The following SKAP1 variants were observed in gnomAD, a reference collection of about 807,000 sequenced individuals.
SKAP1 encodes src kinase associated phosphoprotein 1.
A neutral mutation model predicts 58.5 loss-of-function variants in SKAP1; 44 were observed. The ratio of observed to expected loss-of-function variants is 0.75; its 90% confidence interval spans 0.59 to 0.97. The LOEUF (loss-of-function observed/expected upper bound fraction) is 0.97. Ranked by LOEUF, SKAP1 falls within the 50% of genes least tolerant of loss-of-function variation. SKAP1 has a pLI of 0.00. For missense variants in SKAP1, 390 were observed against 435.2 expected (o/e 0.90, Z 0.92); for synonymous variants, 127 against 149.7 (o/e 0.85, Z 1.11).
At chr17:48,235,389 G>C (rs2065169019) in intron 4 of SKAP1, among the ~76,000 whole-genome samples, 1 of 151,974 alleles carries the variant, frequency 6.6e-6, no homozygotes, top group Non-Finnish European at 1.5e-5. Flanking sequence ...GTCCTAACTT[G>C]CTAGACAACT....
chr17:48,351,825 A>G lies in SKAP1; in HGVS notation c.179-5819T>C, dbSNP rs373110490. 7.2e-5 allele frequency among the ~76,000 whole-genome samples: 11 copies of G among 152,310 alleles called. No homozygotes were observed. The East Asian group carries it at 9.6e-4, about 13-fold the overall frequency. ...ATTAGACACTCTTAGTATAATCACTATAACAACACCTGTGAATCCAACAAC... is the reference window on the plus strand; with the variant it reads ...ATTAGACACTCTTAGTATAATCACTGTAACAACACCTGTGAATCCAACAAC... On this transcript the variant is annotated intron_variant, in intron 3 of 12. Coordinates refer to ENST00000336915, the MANE Select transcript of SKAP1 (RefSeq NM_003726.4).
chr17:48,148,592 C>T (rs2063861110), intron 11 of SKAP1, among the ~76,000 whole-genome samples: 1 of 152,190 alleles, frequency 6.6e-6, no homozygotes. Context: ...CTGCTCGGCC[C>T]ATCTGTGCTG....
chr17:48,214,369 C>T (rs1052807041), intron 4 of SKAP1, among the ~76,000 whole-genome samples: 1 of 152,190 alleles, frequency 6.6e-6, no homozygotes, highest in African/African-American at 2.4e-5. Context: ...GATGTATTGC[C>T]TTCTTCTTCA....
At chr17:48,301,534 C>T (rs1039860497) in intron 4 of SKAP1, among the ~76,000 whole-genome samples, 1 of 152,054 alleles carries the variant, frequency 6.6e-6, no homozygotes, top group African/African-American at 2.4e-5. Context: ...GATCTCGGCT[C>T]ACTGCAACCT....
At chr17:48,429,841 G>A (rs962807619) in intron 1 of SKAP1, among the ~76,000 whole-genome samples, 1 of 152,210 alleles carries the variant, frequency 6.6e-6, no homozygotes, top group Non-Finnish European at 1.5e-5. Flanking sequence ...GGGAGGTGAA[G>A]TGGAGGCGTG....
At chr17:48,345,292 T>C (rs769777425) in intron 4 of SKAP1, among the ~76,000 whole-genome samples, 9 of 152,368 alleles carry the variant, frequency 5.9e-5, no homozygotes, top group Non-Finnish European at 5.9e-5. Context: ...ATTTTGAATA[T>C]AAAAATAATG....
chr17:48,158,374 G>A (rs1403522830), intron 11 of SKAP1, among the ~76,000 whole-genome samples: 1 of 142,098 alleles, frequency 7.0e-6, no homozygotes, highest in Non-Finnish European at 1.5e-5. Flanking sequence ...GTGAAACCCC[G>A]TCTCTATTAA....
At chr17:48,437,098 G>T in the SKAP1 span, among the ~76,000 whole-genome samples, 1 of 152,158 alleles carries the variant, frequency 6.6e-6, no homozygotes, top group East Asian at 1.9e-4. Context: ...GTCTCTAGTG[G>T]TTTTATTCTC....
chr17:48,408,024 A>G (rs2067611824), intron 1 of SKAP1, among the ~76,000 whole-genome samples: 1 of 152,232 alleles, frequency 6.6e-6, no homozygotes. Flanking sequence ...AGTAAAAAGG[A>G]GCAAAAACAA....
chr17:48,246,822 C>T (rs543960175), intron 4 of SKAP1, among the ~76,000 whole-genome samples: 14 of 152,292 alleles, frequency 9.2e-5, no homozygotes, highest in African/African-American at 3.4e-4. Context: ...ATTTCAGTTA[C>T]TTGGGTGCAT....
At chr17:48,417,611 G>A (rs1037265299) in intron 1 of SKAP1, among the ~76,000 whole-genome samples, 11 of 152,114 alleles carry the variant, frequency 7.2e-5, no homozygotes, top group Admixed American at 5.9e-4. Context: ...TGGGCGTGGT[G>A]GCACATGCCT....
At chr17:48,442,215 G>T in the SKAP1 span, among the ~76,000 whole-genome samples, 6 of 152,222 alleles carry the variant, frequency 3.9e-5, no homozygotes, top group African/African-American at 1.4e-4. Flanking sequence ...GTGGTGGGGT[G>T]TGAGGTGGTG....
At chr17:48,273,673 C>T (rs1888739282) in intron 4 of SKAP1, among the ~76,000 whole-genome samples, 1 of 152,140 alleles carries the variant, frequency 6.6e-6, no homozygotes, top group African/African-American at 2.4e-5. Flanking sequence ...CCCACCTCGG[C>T]CCCCCAAAGT....
chr17:48,202,589 C>G (rs1421695235), intron 4 of SKAP1, among the ~76,000 whole-genome samples: 2 of 152,028 alleles, frequency 1.3e-5, no homozygotes, highest in Non-Finnish European at 2.9e-5. Context: ...TTTCATCCGA[C>G]AAAACTCAAG....
At chr17:48,205,633 A>C (rs976871255) in intron 4 of SKAP1, among the ~76,000 whole-genome samples, 2 of 152,310 alleles carry the variant, frequency 1.3e-5, no homozygotes, top group African/African-American at 4.8e-5. Context: ...CAGAATTCTT[A>C]AAAAGAAGAT....
intron 4 of SKAP1, among the ~76,000 whole-genome samples, chr17:48,302,071 A>G (rs895674619): frequency 1.3e-5 from 2 of 152,244 alleles, no homozygotes; most frequent in Admixed American, 1.3e-4. Flanking sequence ...ATAATGATCA[A>G]TGGTAGTGAT....
intron 4 of SKAP1, among the ~76,000 whole-genome samples, chr17:48,333,332 A>AT (rs1196350552): frequency 2.0e-5 from 3 of 152,210 alleles, no homozygotes; most frequent in African/African-American, 7.2e-5. Flanking sequence ...AAAGGCTGAC[A>AT]GAAGGCCAGC....
chr17:48,420,464 GA>G (rs1007812922), intron 1 of SKAP1, among the ~76,000 whole-genome samples: 11 of 151,974 alleles, frequency 7.2e-5, no homozygotes, highest in Non-Finnish European at 1.3e-4. Flanking sequence ...ATGTGGCAGG[GA>G]AAAAAATATA....
At chr17:48,225,121 C>T (rs568028006) in intron 4 of SKAP1, among the ~76,000 whole-genome samples, 41 of 152,218 alleles carry the variant, frequency 2.7e-4, no homozygotes, top group African/African-American at 9.4e-4. Context: ...CTAGTATGTA[C>T]GCAAATTCTC....
Sources: gnomAD v4.1 joint callset for allele counts (sites outside exome capture counted in the v4.1 genomes callset) on GRCh38, gnomAD v4.1.1 for gene constraint, MANE v1.5 for transcripts, NCBI Gene and HGNC (gene_info 2026-07-23, HGNC 2026-07-21) for gene names.